Variants in ITPRID1 observed in about 807,000 individuals in gnomAD.
The protein encoded by ITPRID1 is protein ITPRID1.
In ITPRID1, 96 loss-of-function variants were observed where a neutral mutation model predicts 95.4. The observed-to-expected ratio is 1.01, with a 90% CI of 0.85 to 1.19. The LOEUF (loss-of-function observed/expected upper bound fraction) is 1.19. Ranked by LOEUF, ITPRID1 falls within the 50% of genes most tolerant of loss-of-function variation. The probability of loss-of-function intolerance (pLI) is 0.00; values close to 1 mark genes in which losing one functional copy is unlikely to be tolerated. For missense variants in ITPRID1, 1,339 were observed against 1,252.9 expected (o/e 1.07, Z -1.04); for synonymous variants, 510 against 453.6 (o/e 1.12, Z -1.58).
chr7:31,651,010 TC>T, intron 12 of ITPRID1, 131 bp from the exon 13 acceptor site: 1 of 921,988 alleles, frequency 1.1e-6, no homozygotes. Flanking sequence ...TCCTATTCCC[TC>T]CCCCTTATAT....
chr7:31,634,969 G>C (rs557357381), intron 10 of ITPRID1, among the ~76,000 whole-genome samples: 2 of 152,266 alleles, frequency 1.3e-5, no homozygotes, highest in Non-Finnish European at 1.5e-5. Context: ...GGAACTGGGT[G>C]GGGTGGGATT....
At chr7:31,593,757 T>C (rs1785961561) in intron 10 of ITPRID1, among the ~76,000 whole-genome samples, 1 of 152,204 alleles carries the variant, frequency 6.6e-6, no homozygotes, top group South Asian at 2.1e-4. Flanking sequence ...AATTTTACTG[T>C]AATATAGATA....
chr7:31,576,126 C>G (rs1368386511), intron 8 of ITPRID1, among the ~76,000 whole-genome samples: 2 of 152,142 alleles, frequency 1.3e-5, no homozygotes, highest in East Asian at 3.9e-4. Flanking sequence ...TACAGAGAAA[C>G]TAGGAGTTGG....
intron 10 of ITPRID1, among the ~76,000 whole-genome samples, chr7:31,627,486 C>T (rs1336544264): frequency 1.3e-5 from 2 of 151,708 alleles, no homozygotes; most frequent in Admixed American, 1.3e-4. Context: ...GGCAATACCC[C>T]ATCTCTACAA....
intron 1 of ITPRID1, chr7:31,517,341 AC>A (rs1783077407): frequency 6.6e-6 from 1 of 152,322 alleles, no homozygotes; most frequent in Admixed American, 6.5e-5. Flanking sequence ...CTTTAGCTAG[AC>A]GGAAAAGTTC....
intron 9 of ITPRID1, among the ~76,000 whole-genome samples, chr7:31,582,712 G>A (rs2128149282): frequency 6.6e-6 from 1 of 151,890 alleles, no homozygotes; most frequent in East Asian, 1.9e-4. Flanking sequence ...TTTTGTTCTA[G>A]CAATTTGGAA....
intron 1 of ITPRID1, among the ~76,000 whole-genome samples, chr7:31,541,713 C>T (rs1205201489): frequency 2.0e-5 from 3 of 152,014 alleles, no homozygotes; most frequent in African/African-American, 4.8e-5. Context: ...CCAAATTTTA[C>T]CTTTATATTA....
intron 10 of ITPRID1, among the ~76,000 whole-genome samples, chr7:31,621,258 G>GCCACAAAGATA (rs1462774135): frequency 2.0e-5 from 3 of 148,916 alleles, no homozygotes; most frequent in African/African-American, 7.4e-5. Flanking sequence ...TGCAGAGAAT[G>GCCACAAAGATA]CCACAAAGAT....
At chr7:31,635,809 A>C (rs1789433247) in intron 10 of ITPRID1, among the ~76,000 whole-genome samples, 1 of 152,126 alleles carries the variant, frequency 6.6e-6, no homozygotes, top group African/African-American at 2.4e-5. Context: ...GGAACAGGAA[A>C]AATAGCTAAT....
chr7:31,629,682 G>A (rs555825680), intron 10 of ITPRID1, among the ~76,000 whole-genome samples: 1 of 152,276 alleles, frequency 6.6e-6, no homozygotes, highest in South Asian at 2.1e-4. Context: ...CTCTCAAAAA[G>A]CATCCTCATA....
chr7:31,656,854 A>G (rs1791328503), downstream of ITPRID1, among the ~76,000 whole-genome samples: 1 of 150,358 alleles, frequency 6.7e-6, no homozygotes, highest in Non-Finnish European at 1.5e-5. Flanking sequence ...TCCAAAAAAG[A>G]GCATAGAAGG....
chr7:31,652,430 T>A, intron 14 of ITPRID1, 88 bp from the exon 15 acceptor site: 1 of 1,483,296 alleles, frequency 6.7e-7, no homozygotes, highest in Admixed American at 2.2e-5. Context: ...ATCGACCACC[T>A]CATAATGCCT....
intron 5 of ITPRID1, among the ~76,000 whole-genome samples, chr7:31,561,859 G>A (rs561844830): frequency 3.3e-5 from 5 of 152,152 alleles, no homozygotes; most frequent in African/African-American, 9.6e-5. Context: ...ACATGTCTGA[G>A]TCTCAGTTTG....
At chr7:31,516,060 C>T (rs1055068141) in intron 1 of ITPRID1, among the ~76,000 whole-genome samples, 10 of 152,024 alleles carry the variant, frequency 6.6e-5, no homozygotes, top group African/African-American at 2.4e-4. Context: ...GTATTAACCA[C>T]ATTAATGGTT....
At chr7:31,573,400 T>C (rs1021472332) in intron 7 of ITPRID1, among the ~76,000 whole-genome samples, 9 of 151,526 alleles carry the variant, frequency 5.9e-5, no homozygotes, top group Admixed American at 5.9e-4. Flanking sequence ...CACAAAATAA[T>C]TAAAGAAAAA....
chr7:31,519,620 C>CCATATATA lies in ITPRID1; in HGVS notation c.-98+5500_-98+5501insCATATATA, dbSNP rs1554279824. The stretch of plus-strand genomic sequence containing the variant: ...TCTCTCTCTCTCTCTCTCTCTCTCT[C>CCATATATA]TATATATATATATATATATATATAT... On this transcript the variant is annotated intron_variant, in intron 1 of 14. Coordinates refer to ENST00000615280, the MANE Select transcript of ITPRID1 (RefSeq NM_001257967.3). Among the ~76,000 whole-genome samples, 5 of 25,270 alleles carry CCATATATA rather than the reference C, an allele frequency of 2.0e-4. 1 individual carries two copies. The highest frequency in any genetic ancestry group is 2.8e-4 in the African/African-American group (2 of 7,092). 16.6% of individuals were successfully genotyped at this position (25,270 alleles called of 152,430 possible).
chr7:31,578,344 A>C lies in ITPRID1; in HGVS notation c.1080A>C (p.Arg360Ser). 1 of 1,613,908 alleles carries C rather than the reference A, an allele frequency of 6.2e-7. No homozygotes were observed. Among genetic ancestry groups the C allele is most frequent in the Non-Finnish European group, 8.5e-7 (1 of 1,179,840 alleles). The change falls in exon 9 of 15, where the codon AGA becomes AGC. Residue 360 changes from arginine (R) to serine (S), a missense_variant. Arg to Ser is a moderately radical substitution (Grantham distance 110). Transcript: ENST00000615280. ...TGTCTGAGGGGTCAGTCAAGGGCAGAACTCAGAAGGAGAACTTATTTCAGA... is the reference window on the plus strand; with the variant it reads ...TGTCTGAGGGGTCAGTCAAGGGCAGCACTCAGAAGGAGAACTTATTTCAGA... ...SCVSEGSVKG[R>S]TQKENLFQTN... is the part of the protein sequence containing the mutation.
chr7:31,563,127 C>T (rs892319030), intron 5 of ITPRID1, among the ~76,000 whole-genome samples: 4 of 152,068 alleles, frequency 2.6e-5, no homozygotes, highest in African/African-American at 9.7e-5. Flanking sequence ...GGGAAGTCTC[C>T]TCAAAAGAGG....
rs533807643 is a variant in ITPRID1, at chr7:31,622,577, A to G, written c.1229-19599A>G. Among the ~76,000 whole-genome samples the G allele has an allele frequency of 4.1e-4, 63 of 152,096 alleles. No individual in the cohort carries two copies. In the Middle Eastern group the frequency reaches 0.014, roughly 33 times the overall value. On this transcript the variant is annotated intron_variant, in intron 10 of 14. Coordinates refer to ENST00000615280, the MANE Select transcript of ITPRID1 (RefSeq NM_001257967.3). ...AAACCAACGAGAATAAAGACACAAC[A>G]TACCAGAATCTCTGGGACACATTCA...
Sources: allele counts gnomAD v4.1 joint callset (sites outside exome capture counted in the v4.1 genomes callset), GRCh38; gene constraint gnomAD v4.1.1; transcripts MANE v1.5; gene names NCBI Gene and HGNC (gene_info 2026-07-23, HGNC 2026-07-21).